The following CCL28 variants were observed in gnomAD, a reference collection of about 807,000 sequenced individuals.
CCL28 encodes the protein C-C motif chemokine ligand 28.
Under a neutral mutation model 7.1 loss-of-function variants are expected in CCL28, and 4 were observed. The observed-to-expected ratio is 0.56, with a 90% CI of 0.28 to 1.29. The LOEUF (loss-of-function observed/expected upper bound fraction) is 1.29, where lower values mean the gene tolerates loss of function less well. Ranked by LOEUF, CCL28 falls within the 50% of genes most tolerant of loss-of-function variation. The pLI is 0.11. For synonymous variants in CCL28, 55 were observed against 57.8 expected (o/e 0.95, Z 0.22); for missense variants, 151 against 163.4 (o/e 0.92, Z 0.41).
intron 1 of CCL28, 31 bp from the exon 2 acceptor site, chr5:43,388,507 T>G: frequency 6.2e-7 from 1 of 1,607,474 alleles, no homozygotes; most frequent in African/African-American, 1.3e-5. Context: ...AAATGTTAAA[T>G]TTTACGGTTT....
At chr5:43,361,143 A>G in the CCL28 span, among the ~76,000 whole-genome samples, 1 of 152,156 alleles carries the variant, frequency 6.6e-6, no homozygotes, top group Non-Finnish European at 1.5e-5. Context: ...CCTGCAAAGG[A>G]TATGATCTCA....
intron 1 of CCL28, among the ~76,000 whole-genome samples, chr5:43,397,704 A>C (rs912237554): frequency 1.3e-5 from 2 of 152,224 alleles, no homozygotes; most frequent in Admixed American, 1.3e-4. Flanking sequence ...CTTGCCTCAC[A>C]GGAGTCTGGG....
chr5:43,382,278 CAG>C (rs1449198335), intron 2 of CCL28, among the ~76,000 whole-genome samples: 1 of 151,566 alleles, frequency 6.6e-6, no homozygotes, highest in African/African-American at 2.4e-5. Context: ...CAGATATCAT[CAG>C]AGAGTATTAA....
the CCL28 span, among the ~76,000 whole-genome samples, chr5:43,369,298 G>A: frequency 2.6e-5 from 4 of 152,134 alleles, no homozygotes; most frequent in African/African-American, 9.7e-5. Context: ...TTAATTTCTA[G>A]TATACCTAAA....
Position 43,410,329 on chromosome 5 carries a change from C to T in CCL28, c.64+1924G>A, listed in dbSNP as rs538754980. 2.2e-4 allele frequency among the ~76,000 whole-genome samples: 33 copies of T among 152,324 alleles called. No individual in the cohort carries two copies. The South Asian group carries it at 4.1e-3, about 19-fold the overall frequency. On this transcript the variant is annotated intron_variant, in intron 1 of 2. Transcript: ENST00000361115. ...GCTGTGGCGTTGCCCCTCTATTCCA[C>T]GACTGTTCTCAGGCCTACTTGTGTA...
intron 1 of CCL28, among the ~76,000 whole-genome samples, chr5:43,402,962 G>A (rs1408062395): frequency 6.6e-6 from 1 of 152,244 alleles, no homozygotes; most frequent in Admixed American, 6.5e-5. Flanking sequence ...GAGGCTGGGG[G>A]AAGGGCGTCT....
At chr5:43,367,031 C>T in the CCL28 span, among the ~76,000 whole-genome samples, 4 of 152,232 alleles carry the variant, frequency 2.6e-5, no homozygotes, top group African/African-American at 9.6e-5. Flanking sequence ...TTTGTGTTTA[C>T]ACTTTGTTTG....
chr5:43,364,837 T>C, the CCL28 span, among the ~76,000 whole-genome samples: 3 of 152,126 alleles, frequency 2.0e-5, no homozygotes, highest in Admixed American at 2.0e-4. Flanking sequence ...TTTTTATCTT[T>C]GTTGGTTTAA....
chr5:43,389,493 G>A (rs1168792550), intron 1 of CCL28, among the ~76,000 whole-genome samples: 5 of 152,246 alleles, frequency 3.3e-5, no homozygotes, highest in African/African-American at 1.2e-4. Flanking sequence ...AAGATGAAGC[G>A]TTACTAGCCT....
chr5:43,372,720 T>C (rs1739807424), downstream of CCL28, among the ~76,000 whole-genome samples: 2 of 152,032 alleles, frequency 1.3e-5, no homozygotes, highest in African/African-American at 2.4e-5. Context: ...TCCATTCTAC[T>C]GTTGATGGAC....
At chr5:43,359,234 A>G in the CCL28 span, among the ~76,000 whole-genome samples, 1 of 152,250 alleles carries the variant, frequency 6.6e-6, no homozygotes, top group Non-Finnish European at 1.5e-5. Context: ...CAGGGGACTC[A>G]TAGCCTTCAG....
At chr5:43,401,699 G>A (rs1396833782) in intron 1 of CCL28, among the ~76,000 whole-genome samples, 1 of 152,190 alleles carries the variant, frequency 6.6e-6, no homozygotes, top group African/African-American at 2.4e-5. Flanking sequence ...CCAATATGCA[G>A]TACAGTCCCT....
chr5:43,374,810 C>T (rs2111646508), downstream of CCL28, among the ~76,000 whole-genome samples: 1 of 150,986 alleles, frequency 6.6e-6, no homozygotes, highest in East Asian at 2.0e-4. Context: ...ATTCAGATCT[C>T]ACAGGGATGC....
At chr5:43,368,532 A>C in the CCL28 span, among the ~76,000 whole-genome samples, 3 of 152,154 alleles carry the variant, frequency 2.0e-5, no homozygotes, top group African/African-American at 4.8e-5. Flanking sequence ...TTCCTTTCCC[A>C]TTCCCATAGC....
the CCL28 span, among the ~76,000 whole-genome samples, chr5:43,367,391 C>A: frequency 2.0e-5 from 3 of 152,178 alleles, no homozygotes; most frequent in South Asian, 6.2e-4. Flanking sequence ...TCTTGGTCTG[C>A]GGGTTGTGAA....
chr5:43,374,696 G>C (rs935420831), downstream of CCL28, among the ~76,000 whole-genome samples: 13 of 150,902 alleles, frequency 8.6e-5, no homozygotes, highest in African/African-American at 3.2e-4. Context: ...CAGGAGAATC[G>C]CTTGAACCTA....
At chr5:43,407,809 C>T (rs1282117302) in intron 1 of CCL28, among the ~76,000 whole-genome samples, 1 of 144,892 alleles carries the variant, frequency 6.9e-6, no homozygotes, top group Non-Finnish European at 1.5e-5. Flanking sequence ...AAAAAATCAA[C>T]CCCATCAAAA....
chr5:43,406,188 C>T (rs1412503246), intron 1 of CCL28, among the ~76,000 whole-genome samples: 1 of 151,938 alleles, frequency 6.6e-6, no homozygotes, highest in Non-Finnish European at 1.5e-5. Flanking sequence ...GACAGAGACA[C>T]AACAAAAAAA....
intron 1 of CCL28, among the ~76,000 whole-genome samples, chr5:43,404,134 A>G (rs1213963649): frequency 6.6e-6 from 1 of 152,216 alleles, no homozygotes; most frequent in Non-Finnish European, 1.5e-5. Flanking sequence ...GCAGGCCAAC[A>G]TTCAAATTCA....
Sources: allele counts gnomAD v4.1 joint callset (sites outside exome capture counted in the v4.1 genomes callset), GRCh38; gene constraint gnomAD v4.1.1; transcripts MANE v1.5; gene names NCBI Gene and HGNC (gene_info 2026-07-23, HGNC 2026-07-21).